The following ADAMTS12 variants were observed in gnomAD, a reference collection of about 807,000 sequenced individuals.
ADAMTS12 encodes the protein ADAM metallopeptidase with thrombospondin type 1 motif 12.
A neutral mutation model predicts 167.8 loss-of-function variants in ADAMTS12; 118 were observed. The observed-to-expected ratio is 0.70, with a 90% confidence interval of 0.61 to 0.82. The LOEUF is 0.82. Among genes scored for constraint, ADAMTS12 ranks in the 40% least tolerant of loss-of-function variants. The probability of loss-of-function intolerance (pLI) is 0.00; values close to 1 mark genes in which losing one functional copy is unlikely to be tolerated. For missense variants in ADAMTS12, 1,916 were observed against 1,998.8 expected, an observed-to-expected ratio of 0.96 and a Z score of 0.79; for synonymous variants, 704 against 716.9, an observed-to-expected ratio of 0.98 and a Z score of 0.29.
chr5:33,788,923 C>T (rs1746430200), intron 2 of ADAMTS12, among the ~76,000 whole-genome samples: 2 of 152,176 alleles, frequency 1.3e-5, no homozygotes, highest in Admixed American at 1.3e-4. Flanking sequence ...GTTCCCACAG[C>T]AATTTTTCCA....
At chr5:33,772,159 G>C (rs10472894) in intron 2 of ADAMTS12, among the ~76,000 whole-genome samples, 22,685 of 152,036 alleles carry the variant, frequency 0.15, 1,994 homozygotes, top group East Asian at 0.4. Flanking sequence ...ACCCTGCCTT[G>C]TGGTCCTTTT....
intron 2 of ADAMTS12, among the ~76,000 whole-genome samples, chr5:33,800,001 G>C (rs149785461): frequency 6.6e-6 from 1 of 152,278 alleles, no homozygotes; most frequent in African/African-American, 2.4e-5. Context: ...TCCTGGGTCC[G>C]GGACTGTGGC....
intron 11 of ADAMTS12, among the ~76,000 whole-genome samples, chr5:33,641,324 A>G (rs1291906420): frequency 2.6e-5 from 4 of 152,198 alleles, no homozygotes. Context: ...ATCGAAAAAT[A>G]TTAAAAATAA....
intron 2 of ADAMTS12, among the ~76,000 whole-genome samples, chr5:33,789,217 C>T (rs113181459): frequency 6.6e-6 from 1 of 152,222 alleles, no homozygotes; most frequent in African/African-American, 2.4e-5. Context: ...CTGACGGCTG[C>T]TGTGTCCCAG....
At chr5:33,591,039 T>C (rs938342299) in intron 17 of ADAMTS12, among the ~76,000 whole-genome samples, 5 of 151,896 alleles carry the variant, frequency 3.3e-5, no homozygotes, top group Admixed American at 3.3e-4. Context: ...TAAAATACTG[T>C]TTTTATATTT....
chr5:33,855,188 G>C (rs752932783), intron 2 of ADAMTS12, among the ~76,000 whole-genome samples: 3 of 152,182 alleles, frequency 2.0e-5, no homozygotes, highest in Non-Finnish European at 2.9e-5. Flanking sequence ...TTTCCATCTG[G>C]GCCAAGAACT....
intron 16 of ADAMTS12, 45 bp from the exon 17 acceptor site, chr5:33,596,105 C>T: frequency 6.2e-7 from 1 of 1,607,876 alleles, no homozygotes. Context: ...ATCCTGAGCC[C>T]ACATGCTCAT....
At chr5:33,549,102 G>A in intron 21 of ADAMTS12, 105 bp downstream of exon 21, 1 of 1,387,076 alleles carries the variant, frequency 7.2e-7, no homozygotes, top group Non-Finnish European at 9.8e-7. Flanking sequence ...GTCATTGGCA[G>A]GACACAGGTG....
chr5:33,680,417 G>A (rs190399992), intron 5 of ADAMTS12, among the ~76,000 whole-genome samples: 1 of 152,132 alleles, frequency 6.6e-6, no homozygotes, highest in South Asian at 2.1e-4. Flanking sequence ...GTGCTGCTGG[G>A]ACTACAGAGG....
At chr5:33,562,209 A>T (rs962230950) in intron 19 of ADAMTS12, among the ~76,000 whole-genome samples, 1 of 152,100 alleles carries the variant, frequency 6.6e-6, no homozygotes, top group Admixed American at 6.6e-5. Context: ...CTCAGATCAC[A>T]CTCGGAGTTA....
chr5:33,632,417 A>C (rs923532222), intron 12 of ADAMTS12, among the ~76,000 whole-genome samples: 6 of 152,228 alleles, frequency 3.9e-5, no homozygotes, highest in African/African-American at 1.4e-4. Flanking sequence ...ACAAACAAAA[A>C]AGCTTAAAAG....
intron 2 of ADAMTS12, among the ~76,000 whole-genome samples, chr5:33,811,758 T>C (rs144261237): frequency 2.5e-4 from 38 of 152,234 alleles, no homozygotes; most frequent in African/African-American, 8.2e-4. Context: ...AAGAATAGCC[T>C]GTAGGGAAAT....
At chr5:33,786,316 A>G (rs1473499578) in intron 2 of ADAMTS12, among the ~76,000 whole-genome samples, 1 of 152,216 alleles carries the variant, frequency 6.6e-6, no homozygotes, top group Admixed American at 6.5e-5. Context: ...ATGATACCTC[A>G]ATAAGGCTGT....
chr5:33,627,405 G>A (rs986813973), intron 13 of ADAMTS12, among the ~76,000 whole-genome samples: 4 of 151,084 alleles, frequency 2.6e-5, no homozygotes, highest in Non-Finnish European at 5.9e-5. Flanking sequence ...TGGCGATGAT[G>A]TAGTGGTGAT....
intron 22 of ADAMTS12, among the ~76,000 whole-genome samples, chr5:33,544,402 G>T (rs1744859866): frequency 6.6e-6 from 1 of 152,174 alleles, no homozygotes; most frequent in African/African-American, 2.4e-5. Flanking sequence ...CTCATGGATA[G>T]GAAGAATCAA....
intron 11 of ADAMTS12, among the ~76,000 whole-genome samples, chr5:33,641,280 C>A (rs1561189095): frequency 6.6e-6 from 1 of 152,088 alleles, no homozygotes; most frequent in African/African-American, 2.4e-5. Context: ...CCTTAACAGG[C>A]CACTGCGGAA....
At chr5:33,710,507 A>G (rs1743358206) in intron 3 of ADAMTS12, among the ~76,000 whole-genome samples, 1 of 152,204 alleles carries the variant, frequency 6.6e-6, no homozygotes, top group Non-Finnish European at 1.5e-5. Flanking sequence ...ACAAATATTT[A>G]TTATGCATCT....
At chr5:33,649,822 T>C in intron 7 of ADAMTS12, 125 bp from the exon 8 acceptor site, 1 of 1,276,568 alleles carries the variant, frequency 7.8e-7, no homozygotes, top group Non-Finnish European at 1.1e-6. Flanking sequence ...GGCAACTGTT[T>C]GCAAAGTGAG....
At chr5:33,728,284 G>C (rs1001138498) in intron 3 of ADAMTS12, among the ~76,000 whole-genome samples, 1 of 152,208 alleles carries the variant, frequency 6.6e-6, no homozygotes, top group African/African-American at 2.4e-5. Context: ...GCCTACGAGA[G>C]AAGTGGAAAG....
Sources: allele counts gnomAD v4.1 joint callset (sites outside exome capture counted in the v4.1 genomes callset), GRCh38; gene constraint gnomAD v4.1.1; transcripts MANE v1.5; gene names NCBI Gene and HGNC (gene_info 2026-07-23, HGNC 2026-07-21).